KANK2: variants seen among roughly 807,000 people sequenced by gnomAD.
KANK2 encodes the protein KN motif and ankyrin repeat domains 2, also known as KN motif and ankyrin repeat domain-containing protein 2.
A neutral mutation model predicts 74.6 loss-of-function variants in KANK2; 41 were observed. The observed-to-expected ratio is 0.55, with a 90% CI of 0.43 to 0.71. The LOEUF is 0.71. KANK2 is among the 30% of genes least tolerant of loss of function. The pLI is 0.00. For missense variants in KANK2, 1,148 were observed against 1,196.4 expected (o/e 0.96, Z 0.60); for synonymous variants, 537 against 519.0 (o/e 1.03, Z -0.47).
intron 4 of KANK2, among the ~76,000 whole-genome samples, chr19:11,187,580 AAAG>A (rs149156346): frequency 0.021 from 3,147 of 152,140 alleles, 108 homozygotes; most frequent in African/African-American, 0.071. Context: ...AATGGATGGG[AAAG>A]AAGAATTTAA....
At position 11,178,451 on chromosome 19, in the gene KANK2, G is replaced by C. The variant is rs760220850; in HGVS notation, c.1418-4C>G. 4.4e-6 allele frequency: 7 copies of C among 1,599,546 alleles called. No homozygotes were observed. The highest frequency in any genetic ancestry group is 5.1e-6 in the Non-Finnish European group (6 of 1,174,650). On this transcript the variant is annotated splice_polypyrimidine_tract_variant and splice_region_variant and intron_variant, in intron 5 of 12. Coordinates refer to ENST00000586659, the MANE Select transcript of KANK2 (RefSeq NM_001136191.3). Reference sequence around the variant, plus strand: ...CGCACGCCTGCCGGGGGCCCGCCTGGAGGGGAGGACAGCGGAGGTGCTGTG... The same window carrying C: ...CGCACGCCTGCCGGGGGCCCGCCTGCAGGGGAGGACAGCGGAGGTGCTGTG...
Position 11,189,840 on chromosome 19 carries a change from G to C in KANK2, c.1249+2991C>G, listed in dbSNP as rs529035195. Among the ~76,000 whole-genome samples the C allele has an allele frequency of 2.0e-5, 3 of 152,270 alleles. No homozygotes were observed. The East Asian group carries it at 5.8e-4, about 29-fold the overall frequency. ...TGCTCTGGGAGGCACGTCTGGAATGGTGGTTGCCTCTCAGAGATTCCGAGG... is the reference window on the plus strand; with the variant it reads ...TGCTCTGGGAGGCACGTCTGGAATGCTGGTTGCCTCTCAGAGATTCCGAGG... On this transcript the variant is annotated intron_variant, in intron 4 of 12. Coordinates refer to ENST00000586659, the MANE Select transcript of KANK2 (RefSeq NM_001136191.3).
Position 11,170,482 on chromosome 19 carries a change from T to C in KANK2, c.2212-234A>G, listed in dbSNP as rs1398877891. ...CTGGGAGAAGCGGGGGCGGAGGAAA[T>C]GATGGATACAGGTTTCCTTTGGGGG... is the stretch of plus-strand genomic sequence containing the variant. On this transcript the variant is annotated intron_variant, in intron 10 of 12. Transcript: ENST00000586659. This position sits in a 1 kb window ranked among gnomAD's most constrained non-coding sequence, Gnocchi z 5.2. 1 of 579,388 alleles carries C rather than the reference T, an allele frequency of 1.7e-6. No homozygotes were observed. Among genetic ancestry groups the C allele is most frequent in the East Asian group, 2.9e-5 (1 of 34,966 alleles). 35.9% of individuals were successfully genotyped at this position (579,388 alleles called of 1,614,324 possible).
intron 4 of KANK2, among the ~76,000 whole-genome samples, chr19:11,179,922 G>A (rs1377852622): frequency 6.6e-6 from 1 of 152,192 alleles, no homozygotes; most frequent in African/African-American, 2.4e-5. Flanking sequence ...GTGCAGAGAT[G>A]CGATCTTGGC....
At chr19:11,188,015 C>T (rs2078725228) in intron 4 of KANK2, among the ~76,000 whole-genome samples, 1 of 152,032 alleles carries the variant, frequency 6.6e-6, no homozygotes, top group Admixed American at 6.6e-5. Context: ...TGAATCAATG[C>T]AATAGAGACC....
Position 11,166,495 on chromosome 19 carries a change from G to A in KANK2, c.*63C>T. On this transcript the variant is annotated 3_prime_UTR_variant, in exon 13 of 13. Coordinates refer to ENST00000586659, the MANE Select transcript of KANK2 (RefSeq NM_001136191.3). ...GGTGGGCCAGGGAGGAACGGGAACA[G>A]GGAGGAGACGGGGACAAGGGACGGT... 6.8e-7 allele frequency: 1 copy of A among 1,472,792 alleles called. No individual in the cohort carries two copies. The allele number at this position is 1,472,792 out of a possible 1,614,324, so 91.2% of individuals were successfully genotyped here.
chr19:11,183,199 G>A (rs1162796150), intron 4 of KANK2, among the ~76,000 whole-genome samples: 1 of 152,186 alleles, frequency 6.6e-6, no homozygotes, highest in Non-Finnish European at 1.5e-5. Flanking sequence ...GAACAGCAGG[G>A]CATTTTTGCA....
rs752010371 is a variant in KANK2 at position 11,194,556 on chromosome 19, G to C, written c.-45C>G. On this transcript the variant is annotated 5_prime_UTR_variant, in exon 3 of 13. Coordinates refer to ENST00000586659, the MANE Select transcript of KANK2 (RefSeq NM_001136191.3). ...CCTTGGAAGTCACTTGAGGGACTGCGAGTCAGACTGCCTGCAGCACCGGCT... is the reference window on the plus strand; with the variant it reads ...CCTTGGAAGTCACTTGAGGGACTGCCAGTCAGACTGCCTGCAGCACCGGCT... 4 of 1,513,450 alleles carry C rather than the reference G, an allele frequency of 2.6e-6. No homozygotes were observed. The highest frequency in any genetic ancestry group is 3.7e-6 in the Non-Finnish European group (4 of 1,089,846). 93.8% of individuals were successfully genotyped at this position (1,513,450 alleles called of 1,614,324 possible). A position where few individuals can be genotyped will look rare whatever the true frequency, so the allele number is the denominator to read the frequency against.
intron 4 of KANK2, among the ~76,000 whole-genome samples, chr19:11,182,163 G>A (rs145439349): frequency 0.26 from 39,462 of 151,518 alleles, 5,575 homozygotes; most frequent in South Asian, 0.44. Context: ...TGATCCACCC[G>A]CCTCAGCCTC....
At chr19:11,190,176 C>T (rs2078800335) in intron 4 of KANK2, among the ~76,000 whole-genome samples, 1 of 151,550 alleles carries the variant, frequency 6.6e-6, no homozygotes, top group African/African-American at 2.4e-5. Context: ...TCACTGTCAT[C>T]CAGGCTAGAG....
chr19:11,179,037 C>T (rs941583975), intron 4 of KANK2, among the ~76,000 whole-genome samples: 6 of 152,126 alleles, frequency 3.9e-5, no homozygotes, highest in African/African-American at 1.4e-4. Flanking sequence ...AAGGTTTGGC[C>T]GGGCACGGTG....
chr19:11,194,218 C>G (rs1175516983), intron 3 of KANK2, among the ~76,000 whole-genome samples, 176 bp from the exon 4 acceptor site: 1 of 152,110 alleles, frequency 6.6e-6, no homozygotes, highest in East Asian at 1.9e-4. Flanking sequence ...CCTTCAGACT[C>G]CCGGCGCTAG....
chr19:11,172,143 T>C (rs78569667), intron 10 of KANK2, among the ~76,000 whole-genome samples: 1 of 151,548 alleles, frequency 6.6e-6, no homozygotes, highest in Non-Finnish European at 1.5e-5. Context: ...GCCCAGCTAA[T>C]TTTTTAATTT....
intron 1 of KANK2, chr19:11,196,806 G>A (rs1375820034): frequency 6.6e-6 from 1 of 152,330 alleles, no homozygotes; most frequent in Non-Finnish European, 1.5e-5. Context: ...CTATAAGAGG[G>A]GACAGGTAGG....
intron 4 of KANK2, among the ~76,000 whole-genome samples, chr19:11,185,772 G>A (rs2078656665): frequency 6.6e-6 from 1 of 151,976 alleles, no homozygotes; most frequent in African/African-American, 2.4e-5. Flanking sequence ...GCTGAATTCC[G>A]AGGCTCGCAT....
chr19:11,184,051 T>C (rs2078604662), intron 4 of KANK2, among the ~76,000 whole-genome samples: 2 of 152,140 alleles, frequency 1.3e-5, no homozygotes, highest in African/African-American at 4.8e-5. Flanking sequence ...AATCCACATA[T>C]GCAAAATATA....
chr19:11,193,849 A>G lies in KANK2; in HGVS notation c.231T>C (p.Pro77=), dbSNP rs1272353659. 5.6e-6 allele frequency: 9 copies of G among 1,612,810 alleles called. No individual in the cohort carries two copies. The highest frequency in any genetic ancestry group is 7.6e-6 in the Non-Finnish European group (9 of 1,179,558). ...ACTCAGTGGACGTCCACCAGGAGCCAGGGCCACGGGGCAGCGAGCTCAGGC... is the reference window on the plus strand; with the variant it reads ...ACTCAGTGGACGTCCACCAGGAGCCGGGGCCACGGGGCAGCGAGCTCAGGC... ...RPRLSSLPRG[P]GSWWTSTESL... Residue 77 remains proline (P), a synonymous_variant, in exon 4 of 13, where the codon CCT becomes CCC. Transcript: ENST00000586659. The surrounding 1 kb of genome is among the most constrained non-coding windows in gnomAD (Gnocchi z 9.6).
chr19:11,186,162 T>C (rs74179974), intron 4 of KANK2, among the ~76,000 whole-genome samples: 10,031 of 145,810 alleles, frequency 0.069, 379 homozygotes, highest in Admixed American at 0.094. Context: ...CCAAGGCGGG[T>C]GGATCACCTA....
intron 4 of KANK2, among the ~76,000 whole-genome samples, chr19:11,187,668 C>T (rs140220465): frequency 7.2e-5 from 11 of 152,166 alleles, no homozygotes; most frequent in Non-Finnish European, 1.3e-4. Context: ...AACGCAGCCA[C>T]GTTCGTTCAT....
Sources: gnomAD v4.1 joint callset for allele counts (sites outside exome capture counted in the v4.1 genomes callset) on GRCh38, gnomAD v4.1.1 for gene constraint, Gnocchi (gnomAD v3.1) non-coding constraint, MANE v1.5 for transcripts, NCBI Gene and HGNC (gene_info 2026-07-23, HGNC 2026-07-21) for gene names.